MGAM: variants seen among roughly 807,000 people sequenced by gnomAD.
The protein encoded by MGAM is alpha-1,4-glucosidase.
MGAM carries 253 observed loss-of-function variants against 358.8 expected under a neutral mutation model. The ratio of observed to expected loss-of-function variants is 0.71; its 90% CI spans 0.64 to 0.78. The LOEUF is 0.78. Ranked by LOEUF, MGAM falls within the 30% of genes least tolerant of loss-of-function variation. The probability of loss-of-function intolerance (pLI) is 0.00; values close to 1 mark genes in which losing one functional copy is unlikely to be tolerated. For missense variants in MGAM, 3,080 were observed against 3,432.6 expected (o/e 0.90, Z 2.57); for synonymous variants, 1,105 against 1,227.1 (o/e 0.90, Z 2.08).
chr7:141,995,534 C>G (rs1249928178), upstream of MGAM, among the ~76,000 whole-genome samples: 1 of 152,128 alleles, frequency 6.6e-6, no homozygotes, highest in Non-Finnish European at 1.5e-5. Context: ...GTGCAAGAGA[C>G]CAGGGCTCTT....
At chr7:142,050,981 TG>T (rs1403162140) in intron 24 of MGAM, 117 bp downstream of exon 24, 1 of 1,382,568 alleles carries the variant, frequency 7.2e-7, no homozygotes, top group Non-Finnish European at 1.0e-6. Flanking sequence ...AGGCCTGTTT[TG>T]GGGAAGTGAG....
Position 142,040,713 on chromosome 7 carries a change from A to T in MGAM, c.2374-9A>T, listed in dbSNP as rs557365828. 7 of 1,612,762 alleles carry T rather than the reference A, an allele frequency of 4.3e-6. No homozygotes were observed. In the South Asian group the frequency reaches 7.7e-5, roughly 18 times the overall value. On this transcript the variant is annotated splice_polypyrimidine_tract_variant and intron_variant, in intron 20 of 70. Transcript: ENST00000475668. ...ATGCCAATGTGTTTGATTTATCTGC[A>T]TGCATCAGGGGAGCCAAGTGAGATG...
intron 21 of MGAM, among the ~76,000 whole-genome samples, chr7:142,043,647 C>G (rs2129017369): frequency 7.5e-6 from 1 of 132,514 alleles, no homozygotes; most frequent in East Asian, 2.2e-4. Flanking sequence ...CATATACTAT[C>G]TAATATATAA....
rs780353179 is a variant in MGAM, at chr7:142,100,846, G to T, written c.7919G>T (p.Gly2640Val). Residue 2640 changes from glycine to valine, a missense_variant, in exon 68 of 71, where the codon GGA becomes GTA. Coordinates refer to ENST00000475668, the MANE Select transcript of MGAM (RefSeq NM_001365693.1). ...MGFKIALDDE[G>V]TAGGWLFWDD... Reference sequence around the variant, plus strand: ...TTCAAAATTGCCTTGGATGATGAAGGAACTGCTGGGGGCTGGCTCTTCTGG... The same window carrying T: ...TTCAAAATTGCCTTGGATGATGAAGTAACTGCTGGGGGCTGGCTCTTCTGG... 1 of 1,613,364 alleles carries T rather than the reference G, an allele frequency of 6.2e-7. No individual in the cohort carries two copies. Among genetic ancestry groups the T allele is most frequent in the Non-Finnish European group, 8.5e-7 (1 of 1,179,680 alleles).
At chr7:141,998,943 A>T (rs1466727891) in intron 1 of MGAM, among the ~76,000 whole-genome samples, 1 of 152,142 alleles carries the variant, frequency 6.6e-6, no homozygotes, top group Non-Finnish European at 1.5e-5. Context: ...GACCAACCTA[A>T]TTAAAATTGC....
At chr7:142,090,993 T>C (rs1815332578) in intron 57 of MGAM, among the ~76,000 whole-genome samples, 1 of 146,286 alleles carries the variant, frequency 6.8e-6, no homozygotes. Context: ...ATGCCTGTTA[T>C]CCTATCACTT....
intron 69 of MGAM, 111 bp downstream of exon 69, chr7:142,102,790 A>G: frequency 9.2e-7 from 1 of 1,081,178 alleles, no homozygotes; most frequent in South Asian, 1.4e-5. Context: ...TCATCTTGCT[A>G]ATTCACATTC....
intron 3 of MGAM, among the ~76,000 whole-genome samples, chr7:142,016,104 T>C (rs1270906325): frequency 9.9e-5 from 15 of 152,188 alleles, no homozygotes; most frequent in Non-Finnish European, 1.9e-4. Flanking sequence ...ATCCTTTATG[T>C]TTCATGTTTG....
In MGAM at chr7:142,067,410, C is replaced by A. The variant is rs571732744; in HGVS notation, c.4989C>A (p.Ser1663Arg). The change falls in exon 42 of 71, where the codon AGC (serine) becomes AGA (arginine). Residue 1663 changes from serine (S) to arginine (R), a missense_variant. This residue lies in a region of MGAM where 932 missense variants were observed against 1,198.2 expected (regional missense o/e 0.78). Transcript: ENST00000475668. ...QFLLGPAFLV[S>R]PVLERNARNV... Reference sequence around the variant, plus strand: ...TGCTGGGCCCAGCCTTCCTGGTCAGCCCTGTCCTGGAGCGCGTGAGTATGG... The same window carrying A: ...TGCTGGGCCCAGCCTTCCTGGTCAGACCTGTCCTGGAGCGCGTGAGTATGG... 2 of 1,551,766 alleles carry A rather than the reference C, an allele frequency of 1.3e-6. No individual in the cohort carries two copies. The highest frequency in any genetic ancestry group is 1.8e-6 in the Non-Finnish European group (2 of 1,129,540).
intron 68 of MGAM, 57 bp downstream of exon 68, chr7:142,100,947 T>A: frequency 6.8e-7 from 1 of 1,476,364 alleles, no homozygotes. Context: ...TCCTGGATTA[T>A]CTTACAGGCC....
rs150204934 is a variant in MGAM at position 142,090,369 on chromosome 7, G to A, written c.6811-1544G>A. 6.2e-3 allele frequency among the ~76,000 whole-genome samples: 900 copies of A among 145,360 alleles called. 125 individuals carry two copies. The highest frequency in any genetic ancestry group is 0.01 in the Non-Finnish European group (660 of 64,158). On this transcript the variant is annotated intron_variant, in intron 57 of 70. Transcript: ENST00000475668. ...TAATTCTCCATCCCCCACCCATCCC[G>A]TCGTTTCTAACCCTTCCTGATCTGG...
chr7:142,007,523 A>T (rs1435262105), intron 2 of MGAM, among the ~76,000 whole-genome samples: 4 of 152,146 alleles, frequency 2.6e-5, no homozygotes, highest in Non-Finnish European at 5.9e-5. Context: ...GATTCTAAAG[A>T]TGTAACTAAA....
upstream of MGAM, among the ~76,000 whole-genome samples, chr7:141,995,516 C>T (rs1189861055): frequency 2.6e-5 from 4 of 152,140 alleles, no homozygotes; most frequent in South Asian, 4.1e-4. Flanking sequence ...CTGAGAGATT[C>T]GGAGTCAGTG....
intron 70 of MGAM, 85 bp downstream of exon 70, chr7:142,103,524 T>C (rs917735894): frequency 1.6e-6 from 2 of 1,274,578 alleles, no homozygotes; most frequent in African/African-American, 3.0e-5. Context: ...TTCCAAATGA[T>C]GCCCTCTCCT....
rs763447786 is a variant in MGAM, at chr7:142,063,473, G to T, written c.4258-26G>T. 2.5e-6 allele frequency: 4 copies of T among 1,608,208 alleles called. No individual in the cohort carries two copies. The Admixed American group carries it at 5.1e-5, about 20-fold the overall frequency. On this transcript the variant is annotated intron_variant, in intron 35 of 70. Transcript: ENST00000475668. ...AGGACGTAATTATCTTAAAAAGTGA[G>T]GTATGTCTGTGTTTGGCATTTCTAG...
intron 50 of MGAM, 131 bp downstream of exon 50, chr7:142,081,076 C>T: frequency 1.1e-6 from 1 of 899,480 alleles, no homozygotes; most frequent in African/African-American, 1.6e-5. Flanking sequence ...GAGTTGTTTC[C>T]TTCAGACCTA....
At chr7:142,043,532 G>GT (rs1809368617) in intron 21 of MGAM, among the ~76,000 whole-genome samples, 3 of 98,594 alleles carry the variant, frequency 3.0e-5, no homozygotes, top group African/African-American at 1.3e-4. Flanking sequence ...AATATAATAT[G>GT]AATTATATAG....
chr7:142,068,529 G>A lies in MGAM; in HGVS notation c.5005-118G>A, dbSNP rs1236926631. ...GTTGCCCCAGTTGTTAACCTCTTGG[G>A]ACATGAGGCAGCTGGGTCCAAAGCC... is the stretch of plus-strand genomic sequence containing the variant. On this transcript the variant is annotated intron_variant, in intron 42 of 70. Coordinates refer to ENST00000475668, the MANE Select transcript of MGAM (RefSeq NM_001365693.1). 2.3e-5 allele frequency: 19 copies of A among 814,462 alleles called. 1 individual carries two copies. The highest frequency in any genetic ancestry group is 6.6e-5 in the African/African-American group (4 of 61,062). 50.5% of individuals were successfully genotyped at this position (814,462 alleles called of 1,614,324 possible).
chr7:142,033,281 A>G (rs1807679257), intron 14 of MGAM, among the ~76,000 whole-genome samples: 1 of 152,174 alleles, frequency 6.6e-6, no homozygotes, highest in Non-Finnish European at 1.5e-5. Context: ...TCATCAGGTA[A>G]GGGTTATGTC....
Sources: allele counts gnomAD v4.1 joint callset (sites outside exome capture counted in the v4.1 genomes callset), GRCh38; gene constraint gnomAD v4.1.1; regional missense constraint gnomAD v4.1.1; transcripts MANE v1.5; gene names NCBI Gene and HGNC (gene_info 2026-07-23, HGNC 2026-07-21).